The following PTPRT variants were observed in gnomAD, a reference collection of about 807,000 sequenced individuals.
The protein encoded by PTPRT is protein tyrosine phosphatase receptor type T.
Under a neutral mutation model 176.8 loss-of-function variants are expected in PTPRT, and 56 were observed. The observed-to-expected ratio is 0.32, with a 90% CI of 0.26 to 0.40. The LOEUF (loss-of-function observed/expected upper bound fraction) is 0.40. PTPRT is among the 10% of genes least tolerant of loss of function. The pLI is 1.00. For missense variants in PTPRT, 1,540 were observed against 1,908.2 expected (o/e 0.81, Z 3.60); for synonymous variants, 783 against 739.0 (o/e 1.06, Z -0.96).
intron 1 of PTPRT, among the ~76,000 whole-genome samples, chr20:43,173,314 C>T (rs1229679706): frequency 6.6e-6 from 1 of 152,142 alleles, no homozygotes. Flanking sequence ...TTAAGGCACA[C>T]AATGAAAAAG....
intron 6 of PTPRT, chr20:42,688,109 T>C (rs1187274239): frequency 6.6e-6 from 1 of 152,218 alleles, no homozygotes; most frequent in African/African-American, 2.4e-5. Context: ...CCTTGCCAGC[T>C]GGCTTTGGTC....
At chr20:42,369,251 C>T (rs571912064) in intron 9 of PTPRT, among the ~76,000 whole-genome samples, 23 of 152,292 alleles carry the variant, frequency 1.5e-4, no homozygotes, top group African/African-American at 5.1e-4. Context: ...TCATGTGTGC[C>T]ACCACGTCTG....
At chr20:42,640,325 G>T (rs2074712812) in intron 7 of PTPRT, among the ~76,000 whole-genome samples, 1 of 152,022 alleles carries the variant, frequency 6.6e-6, no homozygotes, top group Non-Finnish European at 1.5e-5. Flanking sequence ...TATAAAGAGT[G>T]TAACACTAGT....
chr20:42,758,927 G>A (rs1403947495), intron 5 of PTPRT, among the ~76,000 whole-genome samples: 1 of 152,246 alleles, frequency 6.6e-6, no homozygotes, highest in Non-Finnish European at 1.5e-5. Context: ...ATGCCTTGAG[G>A]CATCTTTGCA....
intron 15 of PTPRT, among the ~76,000 whole-genome samples, chr20:42,200,879 C>T (rs1291179056): frequency 1.3e-5 from 2 of 152,204 alleles, no homozygotes; most frequent in Admixed American, 6.5e-5. Context: ...TGTCTCAACA[C>T]ACAAAAAGGG....
chr20:42,548,709 T>C (rs910798168), intron 7 of PTPRT, among the ~76,000 whole-genome samples: 1 of 152,162 alleles, frequency 6.6e-6, no homozygotes, highest in Non-Finnish European at 1.5e-5. Flanking sequence ...TGTGATGTCT[T>C]AAATCGACAA....
At chr20:43,027,326 A>G (rs565408615) in intron 1 of PTPRT, among the ~76,000 whole-genome samples, 1 of 152,156 alleles carries the variant, frequency 6.6e-6, no homozygotes, top group South Asian at 2.1e-4. Flanking sequence ...AAATACAAAA[A>G]TTAGCTGGGT....
chr20:42,749,317 C>A (rs536896050), intron 6 of PTPRT, among the ~76,000 whole-genome samples: 1 of 152,302 alleles, frequency 6.6e-6, no homozygotes, highest in South Asian at 2.1e-4. Context: ...AAAACTAACC[C>A]AGGCTGTCCT....
chr20:42,713,998 C>A (rs1305913005), intron 6 of PTPRT, among the ~76,000 whole-genome samples: 1 of 152,152 alleles, frequency 6.6e-6, no homozygotes, highest in East Asian at 1.9e-4. Context: ...TATAAATTAT[C>A]CAGTCTCAGG....
chr20:42,689,749 C>T (rs971227237), intron 6 of PTPRT, among the ~76,000 whole-genome samples: 3 of 152,036 alleles, frequency 2.0e-5, no homozygotes, highest in Admixed American at 6.6e-5. Flanking sequence ...TCGGAGAGAG[C>T]GATTGGAAGA....
At chr20:42,099,428 C>T (rs1237108711) in intron 26 of PTPRT, among the ~76,000 whole-genome samples, 1 of 151,932 alleles carries the variant, frequency 6.6e-6, no homozygotes, top group Non-Finnish European at 1.5e-5. Context: ...TGTTTTACGT[C>T]CTTGGCACTG....
At chr20:42,447,219 T>C (rs1397015627) in intron 9 of PTPRT, among the ~76,000 whole-genome samples, 1 of 152,144 alleles carries the variant, frequency 6.6e-6, no homozygotes, top group Non-Finnish European at 1.5e-5. Context: ...CGTGGGCCTG[T>C]GGTACATGTT....
intron 1 of PTPRT, among the ~76,000 whole-genome samples, chr20:43,133,574 C>T (rs1346847007): frequency 6.6e-6 from 1 of 151,762 alleles, no homozygotes; most frequent in Non-Finnish European, 1.5e-5. Flanking sequence ...AGTGAAACCT[C>T]GTCTCTACTA....
chr20:42,076,918 T>C lies in PTPRT; in HGVS notation c.*3961A>G, dbSNP rs562867105. 3 of 197,768 alleles carry C rather than the reference T, an allele frequency of 1.5e-5. No homozygotes were observed. The highest frequency in any genetic ancestry group is 1.9e-4 in the South Asian group (1 of 5,202). The allele number at this position is 197,768 out of a possible 1,614,324, so 12.3% of individuals were successfully genotyped here. On this transcript the variant is annotated 3_prime_UTR_variant, in exon 31 of 31. Coordinates refer to ENST00000373187, the MANE Select transcript of PTPRT (RefSeq NM_007050.6). ...TGTTCCACTCTAGTCTCTTCTGTTA[T>C]GGGTAACCTCCTGGGAAAAATGTGA...
intron 27 of PTPRT, among the ~76,000 whole-genome samples, chr20:42,097,686 A>G (rs1393962735): frequency 3.3e-5 from 5 of 152,246 alleles, no homozygotes; most frequent in Admixed American, 6.5e-5. Flanking sequence ...AGGCCTGCAC[A>G]AGGCCAGCTC....
intron 1 of PTPRT, among the ~76,000 whole-genome samples, chr20:43,117,492 C>A (rs6093783): frequency 0.95 from 145,066 of 152,104 alleles, 69,568 homozygotes; most frequent in East Asian, 1. Context: ...ACTCAAAAGA[C>A]TTTTGAGTAG....
intron 1 of PTPRT, among the ~76,000 whole-genome samples, chr20:43,108,875 G>C (rs1264651223): frequency 6.6e-6 from 1 of 152,114 alleles, no homozygotes; most frequent in Non-Finnish European, 1.5e-5. Context: ...GCTTCGAAAA[G>C]ATGCAAATAA....
intron 1 of PTPRT, among the ~76,000 whole-genome samples, chr20:43,060,791 A>G (rs1987423285): frequency 6.6e-6 from 1 of 152,190 alleles, no homozygotes; most frequent in Non-Finnish European, 1.5e-5. Flanking sequence ...ATGACGTTCT[A>G]CAATCAATAA....
chr20:42,754,866 A>C (rs2076808476), intron 6 of PTPRT, among the ~76,000 whole-genome samples: 1 of 152,150 alleles, frequency 6.6e-6, no homozygotes, highest in Non-Finnish European at 1.5e-5. Flanking sequence ...GTGCAAGTCA[A>C]AACAGGCGAA....
Sources: gnomAD v4.1 joint callset for allele counts (sites outside exome capture counted in the v4.1 genomes callset) on GRCh38, gnomAD v4.1.1 for gene constraint, MANE v1.5 for transcripts, NCBI Gene and HGNC (gene_info 2026-07-23, HGNC 2026-07-21) for gene names.